Variants in PRDM5 observed in about 807,000 individuals in gnomAD.
PRDM5 encodes PR domain zinc finger protein 5.
In PRDM5, 56 loss-of-function variants were observed where a neutral mutation model predicts 81.2. That is an observed-to-expected ratio of 0.69 (90% CI 0.56 to 0.86). PRDM5 has a LOEUF of 0.86. Ranked by LOEUF, PRDM5 falls within the 40% of genes least tolerant of loss-of-function variation. PRDM5 has a pLI of 0.00. For synonymous variants in PRDM5, 267 were observed against 256.4 expected (o/e 1.04, Z -0.39); for missense variants, 697 against 770.1 (o/e 0.91, Z 1.12).
In PRDM5 at chr4:120,727,286, G is replaced by A. The variant is rs980946385; in HGVS notation, c.1624-16873C>T. On this transcript the variant is annotated intron_variant, in intron 14 of 15. Coordinates refer to ENST00000264808, the MANE Select transcript of PRDM5 (RefSeq NM_018699.4). ...AAGAGCAACCTACAGCAGCATCCAA[G>A]AAAGATGTATGTATATATGTGTGTG... Among the ~76,000 whole-genome samples the A allele has an allele frequency of 5.8e-5, 8 of 138,116 alleles. No homozygotes were observed. In the Admixed American group the frequency reaches 6.0e-4, roughly 10 times the overall value. The allele number at this position is 138,116 out of a possible 152,430, so 90.6% of individuals were successfully genotyped here.
chr4:120,686,368 A>G (rs1733833191), intron 1 of PRDM5, among the ~76,000 whole-genome samples: 1 of 152,108 alleles, frequency 6.6e-6, no homozygotes, highest in South Asian at 2.1e-4. Flanking sequence ...TATATTTTGT[A>G]ACTAAATTTT....
chr4:120,920,269 T>G (rs1173102719), intron 1 of PRDM5, among the ~76,000 whole-genome samples: 1 of 152,238 alleles, frequency 6.6e-6, no homozygotes, highest in East Asian at 1.9e-4. Context: ...AGGAGTGTTA[T>G]ACAAGCATAT....
intron 14 of PRDM5, among the ~76,000 whole-genome samples, chr4:120,729,174 G>C (rs971611244): frequency 6.6e-6 from 1 of 152,110 alleles, no homozygotes; most frequent in Non-Finnish European, 1.5e-5. Flanking sequence ...CATGGTTTTG[G>C]TCAAACTGAA....
At chr4:120,734,722 A>T (rs1389970159) in intron 14 of PRDM5, among the ~76,000 whole-genome samples, 1 of 152,016 alleles carries the variant, frequency 6.6e-6, no homozygotes, top group African/African-American at 2.4e-5. Context: ...GGGCTTAGCC[A>T]CTTTTTTTTC....
downstream of PRDM5, among the ~76,000 whole-genome samples, chr4:120,690,824 T>A (rs1221881876): frequency 6.6e-6 from 1 of 152,154 alleles, no homozygotes; most frequent in African/African-American, 2.4e-5. Context: ...TGTTTTGCAT[T>A]GATTTAGATG....
intron 2 of PRDM5, among the ~76,000 whole-genome samples, chr4:120,884,855 CT>C (rs1667450992): frequency 6.6e-6 from 1 of 151,946 alleles, no homozygotes; most frequent in South Asian, 2.1e-4. Context: ...ATCTCTTTCC[CT>C]TTCCCAGTTC....
At chr4:120,706,222 A>G (rs1347341113) in intron 15 of PRDM5, among the ~76,000 whole-genome samples, 1 of 152,114 alleles carries the variant, frequency 6.6e-6, no homozygotes, top group Non-Finnish European at 1.5e-5. Flanking sequence ...AAGTCACTCA[A>G]CCTCAGTGAA....
chr4:120,690,142 A>G (rs1372840480), downstream of PRDM5, among the ~76,000 whole-genome samples: 1 of 152,190 alleles, frequency 6.6e-6, no homozygotes, highest in Non-Finnish European at 1.5e-5. Context: ...GATGCTAATA[A>G]TTACTTTAGA....
chr4:120,874,017 T>C (rs1320932388), intron 2 of PRDM5, among the ~76,000 whole-genome samples: 3 of 152,172 alleles, frequency 2.0e-5, no homozygotes, highest in Admixed American at 2.0e-4. Context: ...TGGTGTGCTA[T>C]TTTCATACAC....
At chr4:120,831,535 A>C (rs1190878811) in intron 3 of PRDM5, among the ~76,000 whole-genome samples, 1 of 152,146 alleles carries the variant, frequency 6.6e-6, no homozygotes, top group Non-Finnish European at 1.5e-5. Context: ...ATTGTTTCTA[A>C]GAAAATCAAT....
chr4:120,790,023 A>G (rs1750341335), intron 10 of PRDM5, among the ~76,000 whole-genome samples: 1 of 152,138 alleles, frequency 6.6e-6, no homozygotes, highest in Non-Finnish European at 1.5e-5. Flanking sequence ...AGAAGAAATA[A>G]CCACAGATTT....
chr4:120,794,669 G>C (rs933474168), intron 10 of PRDM5, among the ~76,000 whole-genome samples: 4 of 149,800 alleles, frequency 2.7e-5, no homozygotes, highest in African/African-American at 9.9e-5. Flanking sequence ...TGTTGCTCAG[G>C]CTGGAGTGCA....
chr4:120,816,560 T>G lies in PRDM5; in HGVS notation c.758A>C (p.Gln253Pro). The change falls in exon 7 of 16, where the codon CAG becomes CCG. Residue 253 changes from glutamine to proline, a missense_variant. By Grantham distance (76) the Gln-to-Pro change is moderately conservative (BLOSUM62 -1). This residue lies in a region of PRDM5 where 577 missense variants were observed against 606.7 expected (regional missense o/e 0.95). Coordinates refer to ENST00000264808, the MANE Select transcript of PRDM5 (RefSeq NM_018699.4). ...FSSASSFEQH[Q>P]ETCRGDARFV... ...CCTGGCATCCCCCCGGCAAGTCTCCTGGTGCTGCTCAAAACTACAAGACAA... is the reference window on the plus strand; with the variant it reads ...CCTGGCATCCCCCCGGCAAGTCTCCGGGTGCTGCTCAAAACTACAAGACAA... 3 of 1,614,140 alleles carry G rather than the reference T, an allele frequency of 1.9e-6. 1 individual carries two copies. Among genetic ancestry groups the G allele is most frequent in the South Asian group, 2.2e-5 (2 of 91,082 alleles).
chr4:120,759,104 C>T (rs1205858050), intron 13 of PRDM5, among the ~76,000 whole-genome samples: 1 of 152,150 alleles, frequency 6.6e-6, no homozygotes, highest in Non-Finnish European at 1.5e-5. Context: ...CTGATATCTA[C>T]ACATGTTGCC....
chr4:120,715,645 C>T (rs944553654), intron 14 of PRDM5, among the ~76,000 whole-genome samples: 2 of 152,104 alleles, frequency 1.3e-5, no homozygotes, highest in African/African-American at 2.4e-5. Flanking sequence ...AAATATTCTA[C>T]TTAAACTTTT....
intron 14 of PRDM5, among the ~76,000 whole-genome samples, chr4:120,747,381 A>G (rs999733247): frequency 3.3e-5 from 5 of 151,892 alleles, no homozygotes; most frequent in African/African-American, 1.2e-4. Flanking sequence ...ACATGTATAC[A>G]TATGTAACTA....
intron 3 of PRDM5, among the ~76,000 whole-genome samples, chr4:120,825,182 A>G (rs1316029669): frequency 6.6e-6 from 1 of 152,168 alleles, no homozygotes; most frequent in African/African-American, 2.4e-5. Flanking sequence ...AAAATGGAGA[A>G]AATAGTAGTG....
At chr4:120,829,916 C>T (rs1403434965) in intron 3 of PRDM5, among the ~76,000 whole-genome samples, 1 of 151,794 alleles carries the variant, frequency 6.6e-6, no homozygotes, top group African/African-American at 2.4e-5. Context: ...AAAAGACAAG[C>T]GATGAAGGTG....
intron 14 of PRDM5, among the ~76,000 whole-genome samples, chr4:120,729,169 T>A (rs1739886705): frequency 6.6e-6 from 1 of 152,172 alleles, no homozygotes; most frequent in Non-Finnish European, 1.5e-5. Flanking sequence ...ATCAGCATGG[T>A]TTTGGTCAAA....
Sources: allele counts gnomAD v4.1 joint callset (sites outside exome capture counted in the v4.1 genomes callset), GRCh38; gene constraint gnomAD v4.1.1; regional missense constraint gnomAD v4.1.1; transcripts MANE v1.5; gene names NCBI Gene and HGNC (gene_info 2026-07-23, HGNC 2026-07-21).